The following SLC6A2 variants were observed in gnomAD, a reference collection of about 807,000 sequenced individuals.
SLC6A2 encodes solute carrier family 6 member 2.
A neutral mutation model predicts 71.7 loss-of-function variants in SLC6A2; 26 were observed. The observed-to-expected ratio is 0.36, with a 90% CI of 0.27 to 0.50. The LOEUF (loss-of-function observed/expected upper bound fraction) is 0.50. Ranked by LOEUF, SLC6A2 falls within the 20% of genes least tolerant of loss-of-function variation. SLC6A2 has a pLI of 0.96. For missense variants in SLC6A2, 581 were observed against 803.9 expected (o/e 0.72, Z 3.35); for synonymous variants, 363 against 337.9 (o/e 1.07, Z -0.82).
chr16:55,679,441 G>C (rs1290006692), intron 4 of SLC6A2, among the ~76,000 whole-genome samples: 2 of 152,074 alleles, frequency 1.3e-5, no homozygotes, highest in Non-Finnish European at 2.9e-5. Flanking sequence ...TGACCAGACT[G>C]ATGTGGAACT....
chr16:55,705,208 C>A lies in SLC6A2; in HGVS notation c.*2862C>A. 1 of 1,534,568 alleles carries A rather than the reference C, an allele frequency of 6.5e-7. No homozygotes were observed. Among genetic ancestry groups the A allele is most frequent in the South Asian group, 1.2e-5 (1 of 83,996 alleles). On this transcript the variant is annotated 3_prime_UTR_variant, in exon 15 of 15. Transcript: ENST00000568943. ...TATTTAGCACCCACCTTTTAGCTTT[C>A]ATTCTAGATGAAAACGAGACAAGGG...
chr16:55,696,964 G>A (rs1467258482), intron 9 of SLC6A2, among the ~76,000 whole-genome samples: 2 of 152,202 alleles, frequency 1.3e-5, no homozygotes, highest in Non-Finnish European at 2.9e-5. Context: ...AACCTGGGTA[G>A]AGTGAGACCT....
intron 4 of SLC6A2, among the ~76,000 whole-genome samples, chr16:55,681,184 C>A (rs1965260358): frequency 6.6e-6 from 1 of 152,176 alleles, no homozygotes; most frequent in East Asian, 1.9e-4. Flanking sequence ...TTATAATTAC[C>A]ATTTATTGAG....
Position 55,657,116 on chromosome 16 carries a change from G to GAA in SLC6A2, c.274+156_274+157dup, listed in dbSNP as rs11407577. On this transcript the variant is annotated intron_variant, in intron 2 of 14. Coordinates refer to ENST00000568943, the MANE Select transcript of SLC6A2 (RefSeq NM_001172501.3). ...AGAAAGAACTGGACAGGGCTAACGG[G>GAA]AAAAAAAAAGATTGGAGTCCTCTGG... The GAA allele has an allele frequency of 2.0e-3, 1,430 of 705,346 alleles. 1 individual carries two copies. Among genetic ancestry groups the GAA allele is most frequent in the Non-Finnish European group, 2.7e-3 (1,164 of 434,948 alleles). 43.7% of individuals were successfully genotyped at this position (705,346 alleles called of 1,614,324 possible). A position where few individuals can be genotyped will look rare whatever the true frequency, so the allele number is the denominator to read the frequency against.
chr16:55,671,103 C>T (rs1488788154), intron 3 of SLC6A2, among the ~76,000 whole-genome samples: 1 of 152,180 alleles, frequency 6.6e-6, no homozygotes, highest in African/African-American at 2.4e-5. Flanking sequence ...TGGGTTTCCC[C>T]AGAAGCAGTT....
At chr16:55,684,300 CA>C (rs34610275) in intron 4 of SLC6A2, among the ~76,000 whole-genome samples, 2,571 of 132,956 alleles carry the variant, frequency 0.019, 87 homozygotes, top group African/African-American at 0.069. Context: ...GAGCCTGTCT[CA>C]AAAAAAAAAA....
Position 55,682,037 on chromosome 16 carries a change from G to C in SLC6A2, c.645-3106G>C, listed in dbSNP as rs567453007. On this transcript the variant is annotated intron_variant, in intron 4 of 14. Transcript: ENST00000568943. ...TTCTCATGCTTCAGTCTCCCAAGTA[G>C]CTGGGATTACAGGCATGCACTACCA... 5.3e-5 allele frequency among the ~76,000 whole-genome samples: 8 copies of C among 152,278 alleles called. No homozygotes were observed. The South Asian group carries it at 1.7e-3, about 32-fold the overall frequency.
chr16:55,672,035 C>G lies in SLC6A2; in HGVS notation c.504C>G (p.Thr168=). The G allele has an allele frequency of 6.2e-7, 1 of 1,614,198 alleles. No homozygotes were observed. The highest frequency in any genetic ancestry group is 8.5e-7 in the Non-Finnish European group (1 of 1,180,040). ...TCTACTACCTCTTCTCCTCCTTCAC[C>G]CTCAACCTGCCCTGGACCGACTGTG... ...WSLYYLFSSF[T]LNLPWTDCGH... The change falls in exon 4 of 15, where the codon ACC becomes ACG. Residue 168 remains threonine (T), a synonymous_variant. Transcript: ENST00000568943.
intron 9 of SLC6A2, among the ~76,000 whole-genome samples, 164 bp downstream of exon 9, chr16:55,696,501 C>G (rs1234726193): frequency 6.6e-6 from 1 of 152,104 alleles, no homozygotes; most frequent in Non-Finnish European, 1.5e-5. Flanking sequence ...AGTCCTCACT[C>G]AAAAAGATAA....
chr16:55,686,912 A>G (rs116584163), intron 5 of SLC6A2, among the ~76,000 whole-genome samples: 20 of 152,344 alleles, frequency 1.3e-4, no homozygotes, highest in African/African-American at 4.6e-4. Context: ...GGGTGGGTAT[A>G]TAAGTTTGGG....
intron 2 of SLC6A2, among the ~76,000 whole-genome samples, chr16:55,667,552 C>A (rs1338570242): frequency 6.6e-6 from 1 of 152,208 alleles, no homozygotes; most frequent in Non-Finnish European, 1.5e-5. Context: ...TTACTGTCAG[C>A]AATGTGCATA....
chr16:55,702,747 C>CCCCAAA lies in SLC6A2; in HGVS notation c.*401_*402insCCCAAA, dbSNP rs201774381. On this transcript the variant is annotated 3_prime_UTR_variant, in exon 15 of 15. Transcript: ENST00000568943. ...TGGGCTTTTGATCAGATACCCCTCC[C>CCCCAAA]AAAAAAAAAAAAAACTAAAACTAAA... The CCCCAAA allele has an allele frequency of 2.9e-4, 269 of 920,538 alleles. No individual in the cohort carries two copies. The African/African-American group carries it at 5.5e-3, about 19-fold the overall frequency. The allele number at this position is 920,538 out of a possible 1,614,324, so 57.0% of individuals were successfully genotyped here.
intron 6 of SLC6A2, among the ~76,000 whole-genome samples, chr16:55,692,944 A>G (rs576800461): frequency 1.3e-5 from 2 of 152,368 alleles, no homozygotes; most frequent in South Asian, 4.1e-4. Context: ...GTAAATTGCA[A>G]AATAAGTCAG....
intron 2 of SLC6A2, among the ~76,000 whole-genome samples, chr16:55,662,340 T>A (rs1221421482): frequency 6.6e-6 from 1 of 152,190 alleles, no homozygotes; most frequent in Non-Finnish European, 1.5e-5. Flanking sequence ...ACTGCTGAGA[T>A]CCATTATTTA....
intron 5 of SLC6A2, among the ~76,000 whole-genome samples, chr16:55,689,702 G>A (rs1474322534): frequency 6.6e-6 from 1 of 152,224 alleles, no homozygotes; most frequent in Non-Finnish European, 1.5e-5. Context: ...CTGAATACAA[G>A]ATTGATTAAC....
intron 2 of SLC6A2, among the ~76,000 whole-genome samples, chr16:55,663,463 C>T (rs911232221): frequency 2.0e-5 from 3 of 152,200 alleles, no homozygotes; most frequent in Admixed American, 6.5e-5. Context: ...GCTGCCCAAC[C>T]TTGAACTTTC....
In SLC6A2 at chr16:55,702,740, C is replaced by T. The variant is rs1206839097; in HGVS notation, c.*394C>T. On this transcript the variant is annotated 3_prime_UTR_variant, in exon 15 of 15. Transcript: ENST00000568943. ...GAGAGGATGGGCTTTTGATCAGATA[C>T]CCCTCCCAAAAAAAAAAAAAACTAA... The T allele has an allele frequency of 2.1e-6, 2 of 947,480 alleles. No individual in the cohort carries two copies. Among genetic ancestry groups the T allele is most frequent in the East Asian group, 1.1e-4 (1 of 9,158 alleles). The allele number at this position is 947,480 out of a possible 1,614,324, so 58.7% of individuals were successfully genotyped here. A position where few individuals can be genotyped will look rare whatever the true frequency, so the allele number is the denominator to read the frequency against.
chr16:55,682,569 G>A (rs1965307681), intron 4 of SLC6A2, among the ~76,000 whole-genome samples: 1 of 152,226 alleles, frequency 6.6e-6, no homozygotes, highest in Non-Finnish European at 1.5e-5. Context: ...TCTGGGCTTA[G>A]CACTGGGGAC....
chr16:55,695,141 T>A, intron 7 of SLC6A2, 137 bp from the exon 8 acceptor site: 1 of 937,272 alleles, frequency 1.1e-6, no homozygotes, highest in East Asian at 2.4e-5. Flanking sequence ...CCTGTATCCA[T>A]GTGGCAGCAG....
Sources: allele counts gnomAD v4.1 joint callset (sites outside exome capture counted in the v4.1 genomes callset), GRCh38; gene constraint gnomAD v4.1.1; transcripts MANE v1.5; gene names NCBI Gene and HGNC (gene_info 2026-07-23, HGNC 2026-07-21).